Variants in SNX24 observed in about 807,000 individuals in gnomAD.
The protein encoded by SNX24 is sorting nexin 24, also known as sorting nexin-24.
SNX24 carries 22 observed loss-of-function variants against 28.7 expected under a neutral mutation model. The ratio of observed to expected loss-of-function variants is 0.77; its 90% CI spans 0.55 to 1.10. The LOEUF (loss-of-function observed/expected upper bound fraction) is 1.10, where lower values mean the gene tolerates loss of function less well. Ranked by LOEUF, SNX24 falls within the 50% of genes least tolerant of loss-of-function variation. The pLI is 0.00. For missense variants in SNX24, 221 were observed against 201.1 expected (o/e 1.10, Z -0.60); for synonymous variants, 69 against 71.5 (o/e 0.96, Z 0.18).
chr5:122,952,081 G>A (rs967312152), intron 3 of SNX24, among the ~76,000 whole-genome samples: 2 of 152,198 alleles, frequency 1.3e-5, no homozygotes, highest in African/African-American at 4.8e-5. Context: ...CAAGCTATGT[G>A]TATATGATAT....
At chr5:122,952,356 A>G (rs1429921600) in intron 3 of SNX24, among the ~76,000 whole-genome samples, 2 of 152,200 alleles carry the variant, frequency 1.3e-5, no homozygotes, top group African/African-American at 2.4e-5. Flanking sequence ...CAACAATACA[A>G]CAACAAAAAA....
At position 122,956,352 on chromosome 5, in the gene SNX24, GAA is replaced by G. The variant is rs150072652; in HGVS notation, c.249+10202_249+10203del. Among the ~76,000 whole-genome samples, 612 of 143,662 alleles carry G rather than the reference GAA, an allele frequency of 4.3e-3. 6 individuals carry two copies. Among genetic ancestry groups the G allele is most frequent in the African/African-American group, 0.014 (550 of 38,580 alleles). 94.2% of individuals were successfully genotyped at this position (143,662 alleles called of 152,430 possible). ...AAAATAAAACCTTTAAAACACTTGG[GAA>G]AAAAAAAATATATACACACACACAC... On this transcript the variant is annotated intron_variant, in intron 3 of 6. Transcript: ENST00000261369.
At chr5:122,907,360 G>A (rs1757685402) in intron 1 of SNX24, among the ~76,000 whole-genome samples, 2 of 152,192 alleles carry the variant, frequency 1.3e-5, no homozygotes, top group African/African-American at 2.4e-5. Context: ...TGTGAAGGTA[G>A]TGTGGGAATT....
At chr5:122,865,852 A>G (rs908194736) in intron 1 of SNX24, among the ~76,000 whole-genome samples, 4 of 152,214 alleles carry the variant, frequency 2.6e-5, no homozygotes, top group African/African-American at 9.6e-5. Flanking sequence ...CATCCATCCT[A>G]TAACCCCAAA....
At chr5:122,857,860 G>A (rs1755275598) in intron 1 of SNX24, among the ~76,000 whole-genome samples, 1 of 152,042 alleles carries the variant, frequency 6.6e-6, no homozygotes, top group Non-Finnish European at 1.5e-5. Flanking sequence ...TCGGCTCACT[G>A]CAACCTCCGC....
chr5:122,870,159 C>T (rs974084272), intron 1 of SNX24, among the ~76,000 whole-genome samples: 2 of 152,140 alleles, frequency 1.3e-5, no homozygotes, highest in Non-Finnish European at 2.9e-5. Context: ...TGAGAATTTT[C>T]ATATAATTCA....
downstream of SNX24, chr5:123,009,207 ATTTGAG>A (rs1762510995): frequency 4.1e-6 from 4 of 984,990 alleles, no homozygotes; most frequent in Middle Eastern, 1.0e-3. Context: ...ACAAGGAAAC[ATTTGAG>A]TTTGTCTTCT....
chr5:122,983,428 C>A (rs1187556520), intron 3 of SNX24, among the ~76,000 whole-genome samples: 1 of 152,102 alleles, frequency 6.6e-6, no homozygotes, highest in South Asian at 2.1e-4. Context: ...ATACCATATA[C>A]CATCTGCATA....
chr5:122,908,159 C>T (rs1017724514), intron 1 of SNX24, among the ~76,000 whole-genome samples: 1 of 152,196 alleles, frequency 6.6e-6, no homozygotes, highest in Non-Finnish European at 1.5e-5. Flanking sequence ...CTCTTGTGTA[C>T]GGGGAGCAAA....
chr5:122,958,443 G>A (rs30064), intron 3 of SNX24, among the ~76,000 whole-genome samples: 116,436 of 151,506 alleles, frequency 0.77, 45,589 homozygotes, highest in East Asian at 0.99. Context: ...TAGTAGAGAC[G>A]GGGTTTCACC....
At chr5:122,852,324 G>T (rs1338235549) in intron 1 of SNX24, among the ~76,000 whole-genome samples, 1 of 151,612 alleles carries the variant, frequency 6.6e-6, no homozygotes, top group African/African-American at 2.4e-5. Flanking sequence ...ACCTGAGAGT[G>T]ACTCTTCTGT....
intron 1 of SNX24, among the ~76,000 whole-genome samples, chr5:122,934,638 G>A (rs760853492): frequency 2.2e-4 from 34 of 152,178 alleles, no homozygotes; most frequent in Non-Finnish European, 4.1e-4. Flanking sequence ...GATTACAGGC[G>A]TGAGCCATTG....
chr5:122,855,703 A>G (rs1292873005), intron 1 of SNX24, among the ~76,000 whole-genome samples: 1 of 152,188 alleles, frequency 6.6e-6, no homozygotes, highest in Non-Finnish European at 1.5e-5. Context: ...CTTTGTTGTC[A>G]TTTCAACAGT....
At chr5:122,933,499 G>A (rs527470009) in intron 1 of SNX24, among the ~76,000 whole-genome samples, 57 of 152,346 alleles carry the variant, frequency 3.7e-4, no homozygotes, top group Admixed American at 1.6e-3. Flanking sequence ...CTGGGCCTGC[G>A]TAGCTTCTCT....
At chr5:123,010,292 CTTTT>C (rs111250838), downstream of SNX24, among the ~76,000 whole-genome samples, 1 of 146,234 alleles carries the variant, frequency 6.8e-6, no homozygotes. Context: ...GATGATGGAA[CTTTT>C]TTTTTTTTTT....
intron 1 of SNX24, among the ~76,000 whole-genome samples, chr5:122,863,781 C>G (rs1183637006): frequency 6.6e-6 from 1 of 152,146 alleles, no homozygotes; most frequent in Non-Finnish European, 1.5e-5. Flanking sequence ...TCTCAAAGCC[C>G]TAGGCTAAAG....
intron 3 of SNX24, among the ~76,000 whole-genome samples, chr5:122,955,103 A>G (rs1760146587): frequency 6.6e-6 from 1 of 150,518 alleles, no homozygotes; most frequent in African/African-American, 2.4e-5. Context: ...GGTAAATTCT[A>G]TTGTTCTATC....
intron 1 of SNX24, among the ~76,000 whole-genome samples, chr5:122,847,221 C>G (rs1754679938): frequency 6.6e-6 from 1 of 152,180 alleles, no homozygotes; most frequent in Non-Finnish European, 1.5e-5. Context: ...TTGAAATAGA[C>G]CATAATTAAG....
intron 1 of SNX24, among the ~76,000 whole-genome samples, chr5:122,915,240 C>A (rs559947494): frequency 1.8e-4 from 28 of 152,328 alleles, no homozygotes; most frequent in African/African-American, 6.3e-4. Flanking sequence ...TCCCATTGCC[C>A]TGTCATCTCA....
Sources: allele counts gnomAD v4.1 joint callset (sites outside exome capture counted in the v4.1 genomes callset), GRCh38; gene constraint gnomAD v4.1.1; transcripts MANE v1.5; gene names NCBI Gene and HGNC (gene_info 2026-07-23, HGNC 2026-07-21).